Variants in MUCL1 observed in about 807,000 individuals in gnomAD.
The protein encoded by MUCL1 is mucin-like protein 1.
A neutral mutation model predicts 9.2 loss-of-function variants in MUCL1; 11 were observed. The ratio of observed to expected loss-of-function variants is 1.19; its 90% CI spans 0.75 to 1.97. MUCL1 has a LOEUF of 1.97. Among genes scored for constraint, MUCL1 ranks in the 30% most tolerant of loss-of-function variants. The pLI is 0.00. For synonymous variants in MUCL1, 48 were observed against 40.5 expected (o/e 1.19, Z -0.71); for missense variants, 144 against 110.9 (o/e 1.30, Z -1.34).
At chr12:54,854,774 T>A in intron 1 of MUCL1, 134 bp downstream of exon 1, 1 of 741,288 alleles carries the variant, frequency 1.3e-6, no homozygotes, top group Non-Finnish European at 2.2e-6. Flanking sequence ...CCATTTTGAC[T>A]GACCGTTCAA....
At chr12:54,846,647 C>T (rs1304033364) in intron 1 of MUCL1, among the ~76,000 whole-genome samples, 2 of 152,104 alleles carry the variant, frequency 1.3e-5, no homozygotes, top group East Asian at 3.9e-4. Context: ...AGTTCTTTTA[C>T]TTAACTACAA....
At chr12:54,851,765 G>A (rs1391041124), upstream of MUCL1, among the ~76,000 whole-genome samples, 5 of 152,114 alleles carry the variant, frequency 3.3e-5, no homozygotes, top group South Asian at 2.1e-4. Context: ...AAACCCCATC[G>A]TCTCAGCCCC....
At chr12:54,850,035 C>T (rs1959313247), upstream of MUCL1, among the ~76,000 whole-genome samples, 2 of 152,168 alleles carry the variant, frequency 1.3e-5, no homozygotes, top group African/African-American at 4.8e-5. Flanking sequence ...TTCTCTGCCA[C>T]CCAGAGGGCT....
At chr12:54,834,440 A>G (rs920556656), upstream of MUCL1, among the ~76,000 whole-genome samples, 1 of 152,086 alleles carries the variant, frequency 6.6e-6, no homozygotes, top group Admixed American at 6.6e-5. Context: ...ATCACAAGCC[A>G]TACTCTTTCA....
At chr12:54,848,997 A>C (rs183097656) in intron 1 of MUCL1, among the ~76,000 whole-genome samples, 188 of 152,300 alleles carry the variant, frequency 1.2e-3, no homozygotes, top group Middle Eastern at 6.8e-3. Flanking sequence ...AATACAAATG[A>C]CCTGAATTCC....
chr12:54,846,104 C>T (rs1392259713), intron 1 of MUCL1, among the ~76,000 whole-genome samples: 1 of 152,178 alleles, frequency 6.6e-6, no homozygotes, highest in Non-Finnish European at 1.5e-5. Flanking sequence ...TTTTCCGGTA[C>T]ACTGGGCGAG....
chr12:54,832,027 A>G (rs537134822), intron 1 of MUCL1, among the ~76,000 whole-genome samples: 1 of 152,240 alleles, frequency 6.6e-6, no homozygotes, highest in South Asian at 2.1e-4. Flanking sequence ...ATATACGAGT[A>G]TGAAGGATGT....
At chr12:54,832,038 GT>G (rs1176381954) in intron 1 of MUCL1, among the ~76,000 whole-genome samples, 1 of 152,052 alleles carries the variant, frequency 6.6e-6, no homozygotes, top group African/African-American at 2.4e-5. Flanking sequence ...TGAAGGATGT[GT>G]TTTTGTTAAG....
In MUCL1 at chr12:54,858,150, AT is replaced by A. The variant is rs767941898; in HGVS notation, c.224-42del. 3.7e-6 allele frequency: 6 copies of A among 1,611,234 alleles called. No individual in the cohort carries two copies. In the South Asian group the frequency reaches 6.6e-5, roughly 18 times the overall value. ...TCTGAAGAATAAATCCACATTCTTC[AT>A]CCTTTGTCGAAGCCCCTTGACAATA... On this transcript the variant is annotated intron_variant, in intron 3 of 3. Coordinates refer to ENST00000308796, the MANE Select transcript of MUCL1 (RefSeq NM_058173.3).
At chr12:54,846,129 A>G (rs1274302065) in intron 1 of MUCL1, among the ~76,000 whole-genome samples, 1 of 152,188 alleles carries the variant, frequency 6.6e-6, no homozygotes, top group East Asian at 1.9e-4. Context: ...TGAGATACAG[A>G]AAATGGTCAC....
At chr12:54,840,629 A>ACCC (rs1319295477) in intron 1 of MUCL1, among the ~76,000 whole-genome samples, 1 of 152,190 alleles carries the variant, frequency 6.6e-6, no homozygotes, top group Non-Finnish European at 1.5e-5. Context: ...GTGGAGGGGA[A>ACCC]AAGCCAGGTT....
chr12:54,851,336 G>T (rs941164465), upstream of MUCL1, among the ~76,000 whole-genome samples: 17 of 152,046 alleles, frequency 1.1e-4, no homozygotes, highest in African/African-American at 4.1e-4. Context: ...TAATCTCTGG[G>T]ATGCAAGGCT....
In MUCL1 at chr12:54,855,049, C is replaced by G. The variant is rs1868288716; in HGVS notation, c.59-67C>G. 5.1e-6 allele frequency: 7 copies of G among 1,374,460 alleles called. No individual in the cohort carries two copies. The East Asian group carries it at 1.6e-4, about 32-fold the overall frequency. 85.1% of individuals were successfully genotyped at this position (1,374,460 alleles called of 1,614,324 possible). On this transcript the variant is annotated intron_variant, in intron 1 of 3. Transcript: ENST00000308796. The stretch of plus-strand genomic sequence containing the variant: ...TAAAGTCTGGAATATTGTCCATATT[C>G]TCTCTTACCTCCATCCTCCAAACTG...
chr12:54,840,124 G>A (rs1218128560), intron 1 of MUCL1, among the ~76,000 whole-genome samples: 4 of 152,146 alleles, frequency 2.6e-5, no homozygotes, highest in African/African-American at 9.7e-5. Context: ...CCACACTCCA[G>A]GCTGGTGCTA....
At chr12:54,857,866 CTG>C (rs1479694999) in intron 3 of MUCL1, among the ~76,000 whole-genome samples, 1 of 152,148 alleles carries the variant, frequency 6.6e-6, no homozygotes, top group African/African-American at 2.4e-5. Flanking sequence ...GTAAAGTAGA[CTG>C]TGAGTGAGAA....
upstream of MUCL1, among the ~76,000 whole-genome samples, chr12:54,836,482 C>A (rs1236452908): frequency 6.6e-6 from 1 of 152,038 alleles, no homozygotes; most frequent in Non-Finnish European, 1.5e-5. Context: ...TCTCTCTTTT[C>A]TTGGTTAATC....
chr12:54,837,952 G>A (rs1959195932), upstream of MUCL1, among the ~76,000 whole-genome samples: 1 of 152,142 alleles, frequency 6.6e-6, no homozygotes, highest in East Asian at 1.9e-4. Context: ...GAGACATGAA[G>A]TAGTAGTTTC....
At chr12:54,841,535 C>A (rs1959211858) in intron 1 of MUCL1, among the ~76,000 whole-genome samples, 1 of 152,130 alleles carries the variant, frequency 6.6e-6, no homozygotes, top group Admixed American at 6.5e-5. Context: ...AATAGCCATT[C>A]CACTAGGTGG....
chr12:54,857,611 AAAG>A (rs1844539473), intron 3 of MUCL1, among the ~76,000 whole-genome samples: 1 of 152,190 alleles, frequency 6.6e-6, no homozygotes, highest in Non-Finnish European at 1.5e-5. Context: ...TAAACATTTT[AAAG>A]ATGAGGAAAT....
Sources: gnomAD v4.1 joint callset for allele counts (sites outside exome capture counted in the v4.1 genomes callset) on GRCh38, gnomAD v4.1.1 for gene constraint, MANE v1.5 for transcripts, NCBI Gene and HGNC (gene_info 2026-07-23, HGNC 2026-07-21) for gene names.